The following PTBP3 variants were observed in gnomAD, a reference collection of about 807,000 sequenced individuals.
The protein encoded by PTBP3 is polypyrimidine tract binding protein 3.
Under a neutral mutation model 58.7 loss-of-function variants are expected in PTBP3, and 20 were observed. The observed-to-expected ratio is 0.34, with a 90% CI of 0.24 to 0.50. The LOEUF (loss-of-function observed/expected upper bound fraction) is 0.50, where lower values mean the gene tolerates loss of function less well. PTBP3 is among the 20% of genes least tolerant of loss of function. The probability of loss-of-function intolerance (pLI) is 0.98; values close to 1 mark genes in which losing one functional copy is unlikely to be tolerated. For synonymous variants in PTBP3, 185 were observed against 219.8 expected, an observed-to-expected ratio of 0.84 and a Z score of 1.40; for missense variants, 509 against 637.2, an observed-to-expected ratio of 0.80 and a Z score of 2.17.
chr9:112,299,172 T>G (rs764392093), intron 1 of PTBP3, among the ~76,000 whole-genome samples: 1 of 152,172 alleles, frequency 6.6e-6, no homozygotes, highest in Non-Finnish European at 1.5e-5. Context: ...TATGAGGAAT[T>G]TGGTTAAATG....
intron 2 of PTBP3, among the ~76,000 whole-genome samples, chr9:112,292,375 T>C (rs1384379913): frequency 6.6e-6 from 1 of 152,176 alleles, no homozygotes; most frequent in Non-Finnish European, 1.5e-5. Flanking sequence ...TGATGGTTCC[T>C]CAAAATAATA....
chr9:112,272,640 C>T (rs1339228127), intron 3 of PTBP3: 3 of 152,050 alleles, frequency 2.0e-5, no homozygotes, highest in Admixed American at 1.3e-4. Context: ...TATTCACAGG[C>T]ACGATCCCAC....
chr9:112,235,429 A>G (rs1179028181), intron 7 of PTBP3, among the ~76,000 whole-genome samples: 1 of 152,172 alleles, frequency 6.6e-6, no homozygotes, highest in African/African-American at 2.4e-5. Context: ...CCTGAGCCAG[A>G]TATTATGTAA....
rs1417356804 is a variant in PTBP3 at position 112,332,667 on chromosome 9, AG to A, written c.-52+802del. On this transcript the variant is annotated intron_variant, in intron 1 of 13. Coordinates refer to ENST00000374257, the MANE Select transcript of PTBP3 (RefSeq NM_001163788.4). ...TCCCACCCCATATCCCTGAGTCCCCAGAGAACAGTTTATATACATAGACTCT... is the reference window on the plus strand; with the variant it reads ...TCCCACCCCATATCCCTGAGTCCCCAAGAACAGTTTATATACATAGACTCT... 56 of 1,257,028 alleles carry A rather than the reference AG, an allele frequency of 4.5e-5. 1 individual carries two copies. The Admixed American group carries it at 1.4e-3, about 32-fold the overall frequency. 77.9% of individuals were successfully genotyped at this position (1,257,028 alleles called of 1,614,324 possible). A position where few individuals can be genotyped will look rare whatever the true frequency, so the allele number is the denominator to read the frequency against.
intron 1 of PTBP3, chr9:112,330,557 G>A (rs1830328636): frequency 6.9e-6 from 6 of 873,450 alleles, no homozygotes; most frequent in Middle Eastern, 2.5e-4. Context: ...AAGAATAAAG[G>A]GGAAAAAGCA....
At chr9:112,236,559 G>A (rs760077827) in intron 7 of PTBP3, among the ~76,000 whole-genome samples, 20 of 152,156 alleles carry the variant, frequency 1.3e-4, no homozygotes, top group Non-Finnish European at 2.4e-4. Flanking sequence ...TAAAAACAAA[G>A]TTAAACAATA....
intron 3 of PTBP3, 111 bp downstream of exon 3, chr9:112,275,733 G>T: frequency 7.8e-6 from 8 of 1,028,732 alleles, no homozygotes; most frequent in Non-Finnish European, 1.1e-5. Context: ...ACTAACTTAT[G>T]TTCATAGTAT....
chr9:112,303,222 A>G (rs557433276), intron 1 of PTBP3, among the ~76,000 whole-genome samples: 146 of 152,310 alleles, frequency 9.6e-4, no homozygotes, highest in Non-Finnish European at 1.8e-3. Context: ...TCCCTTTGCT[A>G]CATACCCAAT....
rs113041329 is a variant in PTBP3 at position 112,277,951 on chromosome 9, C to T, written c.35-1938G>A. 4.5e-3 allele frequency among the ~76,000 whole-genome samples: 385 copies of T among 85,766 alleles called. 3 individuals are homozygous for T. The highest frequency in any genetic ancestry group is 9.3e-3 in the African/African-American group (231 of 24,884). 56.3% of individuals were successfully genotyped at this position (85,766 alleles called of 152,430 possible). A position where few individuals can be genotyped will look rare whatever the true frequency, so the allele number is the denominator to read the frequency against. On this transcript the variant is annotated intron_variant, in intron 2 of 13. Transcript: ENST00000374257. ...CATAACATAACATAACATAATATAA[C>T]ATAACATAACATAACATAACATAAC...
intron 8 of PTBP3, 101 bp downstream of exon 8, chr9:112,234,719 G>A: frequency 8.9e-7 from 1 of 1,125,008 alleles, no homozygotes; most frequent in Non-Finnish European, 1.3e-6. Flanking sequence ...AATGCTTTAT[G>A]GTAAATTCTT....
chr9:112,363,991 A>G, the PTBP3 span, among the ~76,000 whole-genome samples: 1 of 152,082 alleles, frequency 6.6e-6, no homozygotes, highest in African/African-American at 2.4e-5. Context: ...ATCTCTGCCT[A>G]TTGATCCCTC....
At chr9:112,352,281 G>A in the PTBP3 span, among the ~76,000 whole-genome samples, 1 of 152,072 alleles carries the variant, frequency 6.6e-6, no homozygotes, top group Non-Finnish European at 1.5e-5. Flanking sequence ...AGTTCTCATT[G>A]TTACTGGAAT....
chr9:112,309,019 C>T lies in PTBP3; in HGVS notation c.-51-11103G>A, dbSNP rs73543854. Among the ~76,000 whole-genome samples the T allele has an allele frequency of 5.7e-3, 867 of 152,244 alleles. 13 individuals are homozygous for T. The highest frequency in any genetic ancestry group is 0.02 in the African/African-American group (815 of 41,538). Reference sequence around the variant, plus strand: ...AATTGGTTTTATTTAGCATTAAAGACGTTGAAGTAACATGTACGGATGATT... The same window carrying T: ...AATTGGTTTTATTTAGCATTAAAGATGTTGAAGTAACATGTACGGATGATT... On this transcript the variant is annotated intron_variant, in intron 1 of 13. Coordinates refer to ENST00000374257, the MANE Select transcript of PTBP3 (RefSeq NM_001163788.4).
At chr9:112,231,989 GAGAAGAGA>G (rs1835245397) in intron 9 of PTBP3, 102 bp downstream of exon 9, 5 of 504,360 alleles carry the variant, frequency 9.9e-6, no homozygotes, top group African/African-American at 7.6e-5. Context: ...GAGAAGAGAA[GAGAAGAGA>G]AGAGAAGAGA....
intron 1 of PTBP3, among the ~76,000 whole-genome samples, chr9:112,319,888 C>A (rs577301772): frequency 6.6e-6 from 1 of 152,046 alleles, no homozygotes; most frequent in African/African-American, 2.4e-5. Flanking sequence ...TGGATAAACC[C>A]GGAGGACACT....
rs769500134 is a variant in PTBP3, at chr9:112,222,892, AAAG to A, written c.*956_*958del. On this transcript the variant is annotated 3_prime_UTR_variant, in exon 14 of 14. Coordinates refer to ENST00000374257, the MANE Select transcript of PTBP3 (RefSeq NM_001163788.4). ...AACCCTTGAGATTAATTTTTTTCTA[AAAG>A]AAGACCTTACCAAAAATAACTTTTA... The A allele has an allele frequency of 4.4e-5, 39 of 882,174 alleles. No individual in the cohort carries two copies. In the East Asian group the frequency reaches 6.0e-4, roughly 14 times the overall value. The allele number at this position is 882,174 out of a possible 1,614,324, so 54.6% of individuals were successfully genotyped here.
At chr9:112,295,429 A>AT (rs1221908396) in intron 2 of PTBP3, among the ~76,000 whole-genome samples, 1 of 150,694 alleles carries the variant, frequency 6.6e-6, no homozygotes, top group Non-Finnish European at 1.5e-5. Context: ...GAAAAAAAAA[A>AT]AAGGAAAAAC....
At chr9:112,247,401 T>C (rs1835930275) in intron 7 of PTBP3, among the ~76,000 whole-genome samples, 1 of 151,838 alleles carries the variant, frequency 6.6e-6, no homozygotes, top group African/African-American at 2.4e-5. Flanking sequence ...CCGATACTTG[T>C]TTGGATCTTT....
At chr9:112,313,215 T>TC (rs397706566) in intron 1 of PTBP3, among the ~76,000 whole-genome samples, 1 of 151,590 alleles carries the variant, frequency 6.6e-6, no homozygotes, top group Non-Finnish European at 1.5e-5. Context: ...AAGACTTTTT[T>TC]CTTTTAAGAG....
Sources: allele counts gnomAD v4.1 joint callset (sites outside exome capture counted in the v4.1 genomes callset), GRCh38; gene constraint gnomAD v4.1.1; transcripts MANE v1.5; gene names NCBI Gene and HGNC (gene_info 2026-07-23, HGNC 2026-07-21).